Variants in SEMA6B observed in about 807,000 individuals in gnomAD.
SEMA6B encodes semaphorin 6B.
Under a neutral mutation model 78.6 loss-of-function variants are expected in SEMA6B, and 47 were observed. That is an observed-to-expected ratio of 0.60 (90% confidence interval 0.47 to 0.76). The LOEUF is 0.76. Ranked by LOEUF, SEMA6B falls within the 30% of genes least tolerant of loss-of-function variation. The probability of loss-of-function intolerance (pLI) is 0.00; values close to 1 mark genes in which losing one functional copy is unlikely to be tolerated. For missense variants in SEMA6B, 1,213 were observed against 1,269.9 expected (o/e 0.96, Z 0.68); for synonymous variants, 632 against 592.2 (o/e 1.07, Z -0.98).
chr19:4,557,197 T>A lies in SEMA6B; in HGVS notation c.272A>T (p.Glu91Val). The change falls in exon 4 of 17, where the codon GAG (glutamate) becomes GTG (valine). Residue 91 changes from glutamate to valine, a missense_variant. By Grantham distance (121) the Glu-to-Val change is moderately radical. Transcript: ENST00000586582. ...DRDNLYRVELEPPTSTELRYQ... is the reference protein window; with the variant it reads ...DRDNLYRVELVPPTSTELRYQ... ...CCGCAGCTCCGTGGACGTGGGGGGCTCCAGCTCTACGCGGTAGAGGTTGTC... is the reference window on the plus strand; with the variant it reads ...CCGCAGCTCCGTGGACGTGGGGGGCACCAGCTCTACGCGGTAGAGGTTGTC... The A allele has an allele frequency of 6.2e-7, 1 of 1,604,284 alleles. No individual in the cohort carries two copies. The highest frequency in any genetic ancestry group is 8.5e-7 in the Non-Finnish European group (1 of 1,174,838).
In SEMA6B at chr19:4,558,538, CCACAAGACGGCGGGCGAGAG is replaced by C; in HGVS notation, c.-32-69_-32-50del. 1.7e-6 allele frequency: 2 copies of C among 1,194,208 alleles called. No individual in the cohort carries two copies. Among genetic ancestry groups the C allele is most frequent in the Non-Finnish European group, 2.1e-6 (2 of 953,030 alleles). 74.0% of individuals were successfully genotyped at this position (1,194,208 alleles called of 1,614,324 possible). The stretch of plus-strand genomic sequence containing the variant: ...GAGCGGCCTGCAGTCCCGCTCGTGG[CCACAAGACGGCGGGCGAGAG>C]CAGCAGACGCTCCTTCAAATCCCAG... On this transcript the variant is annotated intron_variant, in intron 1 of 16. Transcript: ENST00000586582. This position sits in a 1 kb window ranked among gnomAD's most constrained non-coding sequence, Gnocchi z 5.1.
chr19:4,558,388 G>A lies in SEMA6B; in HGVS notation c.70C>T (p.His24Tyr). 1 of 1,280,638 alleles carries A rather than the reference G, an allele frequency of 7.8e-7. No homozygotes were observed. 79.3% of individuals were successfully genotyped at this position (1,280,638 alleles called of 1,614,324 possible). The stretch of plus-strand genomic sequence containing the variant: ...GGCGGCTCCTCAGGAAAGAGGCCGT[G>A]GGCGCCCCCCAGTAGCAGCAGCAGA... Reference protein sequence around the residue: ...LLLLLLLGGAHGLFPEEPPPL... With the variant: ...LLLLLLLGGAYGLFPEEPPPL... The change falls in exon 2 of 17, where the codon CAC becomes TAC. Residue 24 changes from histidine to tyrosine, a missense_variant. By Grantham distance (83) the His-to-Tyr change is moderately conservative. Coordinates refer to ENST00000586582, the MANE Select transcript of SEMA6B (RefSeq NM_032108.4). This position sits in a 1 kb window ranked among gnomAD's most constrained non-coding sequence, Gnocchi z 5.1.
In SEMA6B at chr19:4,544,371, G is replaced by T. The variant is rs763638386; in HGVS notation, c.1897C>A (p.Arg633Ser). ...GCCAGGATGGCCTCCTTGTCCTTGCGCCGGGCCAGCTCCCGCCGCTCACGG... is the reference window on the plus strand; with the variant it reads ...GCCAGGATGGCCTCCTTGTCCTTGCTCCGGGCCAGCTCCCGCCGCTCACGG... Reference protein sequence around the residue: ...GLRERRELARRKDKEAILAHG... With the variant: ...GLRERRELARSKDKEAILAHG... Residue 633 changes from arginine (R) to serine (S), a missense_variant, in exon 17 of 17, where the codon CGC (arginine) becomes AGC (serine). Physicochemically the swap from Arg to Ser is moderately radical, Grantham distance 110. Coordinates refer to ENST00000586582, the MANE Select transcript of SEMA6B (RefSeq NM_032108.4). The surrounding 1 kb of genome is among the most constrained non-coding windows in gnomAD (Gnocchi z 5.1). 5 of 1,582,654 alleles carry T rather than the reference G, an allele frequency of 3.2e-6. No individual in the cohort carries two copies. Among genetic ancestry groups the T allele is most frequent in the Admixed American group, 1.7e-5 (1 of 57,266 alleles).
Position 4,555,432 on chromosome 19 carries a change from T to A in SEMA6B, c.562+42A>T. The A allele has an allele frequency of 6.5e-7, 1 of 1,541,108 alleles. No individual in the cohort carries two copies. The highest frequency in any genetic ancestry group is 8.8e-7 in the Non-Finnish European group (1 of 1,131,240). On this transcript the variant is annotated intron_variant, in intron 7 of 16. Coordinates refer to ENST00000586582, the MANE Select transcript of SEMA6B (RefSeq NM_032108.4). This position sits in a 1 kb window ranked among gnomAD's most constrained non-coding sequence, Gnocchi z 6.1. Reference sequence around the variant, plus strand: ...GGAGTAGAAAATGCCAGGTCTTGCCTGTGGCTGGGGCTGATCAGATGGAGG... The same window carrying A: ...GGAGTAGAAAATGCCAGGTCTTGCCAGTGGCTGGGGCTGATCAGATGGAGG...
Position 4,544,497 on chromosome 19 carries a change from C to G in SEMA6B, c.1771G>C (p.Ala591Pro). The G allele has an allele frequency of 1.9e-6, 3 of 1,576,048 alleles. No individual in the cohort carries two copies. Among genetic ancestry groups the G allele is most frequent in the Non-Finnish European group, 2.6e-6 (3 of 1,161,622 alleles). Residue 591 changes from alanine (A) to proline (P), a missense_variant, in exon 17 of 17, where the codon GCG becomes CCG. Transcript: ENST00000586582. This position sits in a 1 kb window ranked among gnomAD's most constrained non-coding sequence, Gnocchi z 5.1. ...AGCAGGTTCACCGACACCAGCCCCG[C>G]GCGGTCCTCGGAGAGGCTGGCCCGC... ...LLRASLSEDR[A>P]GLVSVNLLVT...
rs1977363553 is a variant in SEMA6B at position 4,552,630 on chromosome 19, ACAC to A, written c.778_780del (p.Val260del). On this transcript the variant is annotated inframe_deletion, in exon 10 of 17. Coordinates refer to ENST00000586582, the MANE Select transcript of SEMA6B (RefSeq NM_032108.4). This position sits in a 1 kb window ranked among gnomAD's most constrained non-coding sequence, Gnocchi z 7.4. ...TTCTTGCACACTCGGGCCACGCGGG[ACAC>A]CACCACCTGGGCGTGACAGTGGACG... is the stretch of plus-strand genomic sequence containing the variant. The A allele has an allele frequency of 3.1e-6, 5 of 1,605,494 alleles. No individual in the cohort carries two copies. The highest frequency in any genetic ancestry group is 4.3e-6 in the Non-Finnish European group (5 of 1,174,852).
intron 3 of SEMA6B, among the ~76,000 whole-genome samples, chr19:4,557,504 A>G (rs1198589771): frequency 6.6e-6 from 1 of 152,048 alleles, no homozygotes; most frequent in Non-Finnish European, 1.5e-5. Flanking sequence ...GGCGCCCACC[A>G]GGCTCTCTCC....
chr19:4,544,086 G>T lies in SEMA6B; in HGVS notation c.2182C>A (p.His728Asn). ...TCCCAGGCGCGGGGGCCCAGGGCGTGGGGGTGCGGGTGCGGAGTGGGCAGG... is the reference window on the plus strand; with the variant it reads ...TCCCAGGCGCGGGGGCCCAGGGCGTTGGGGTGCGGGTGCGGAGTGGGCAGG... Reference protein sequence around the residue: ...KRLPTPHPHPHALGPRAWDHG... With the variant: ...KRLPTPHPHPNALGPRAWDHG... The change falls in exon 17 of 17, where the codon CAC (histidine) becomes AAC (asparagine). Residue 728 changes from histidine (H) to asparagine (N), a missense_variant. Transcript: ENST00000586582. The surrounding 1 kb of genome is among the most constrained non-coding windows in gnomAD (Gnocchi z 5.1). 1 of 1,253,538 alleles carries T rather than the reference G, an allele frequency of 8.0e-7. No individual in the cohort carries two copies. Among genetic ancestry groups the T allele is most frequent in the South Asian group, 2.9e-5 (1 of 35,026 alleles). 77.7% of individuals were successfully genotyped at this position (1,253,538 alleles called of 1,614,324 possible).
intron 12 of SEMA6B, 112 bp from the exon 13 acceptor site, chr19:4,548,557 G>T: frequency 1.0e-6 from 1 of 968,542 alleles, no homozygotes; most frequent in Admixed American, 2.2e-5. Flanking sequence ...ACCAACACAT[G>T]TGACAGCAAT....
chr19:4,547,886 G>C (rs4807600), intron 14 of SEMA6B, 141 bp downstream of exon 14: 591,503 of 1,058,816 alleles, frequency 0.56, 168,313 homozygotes, highest in East Asian at 0.86. Context: ...GGTCCTGCCC[G>C]CGGGCCTTTG....
Position 4,558,298 on chromosome 19 carries a change from C to T in SEMA6B, c.121+39G>A, listed in dbSNP as rs1977526826. The T allele has an allele frequency of 1.5e-6, 2 of 1,313,798 alleles. No homozygotes were observed. The highest frequency in any genetic ancestry group is 1.5e-5 in the African/African-American group (1 of 66,050). 81.4% of individuals were successfully genotyped at this position (1,313,798 alleles called of 1,614,324 possible). A position where few individuals can be genotyped will look rare whatever the true frequency, so the allele number is the denominator to read the frequency against. ...CCAACTGGGAACCCAGATACTCCCA[C>T]GGGACTCCACCCCCGCCCAAAGACA... On this transcript the variant is annotated intron_variant, in intron 2 of 16. Transcript: ENST00000586582. This position sits in a 1 kb window ranked among gnomAD's most constrained non-coding sequence, Gnocchi z 5.1.
chr19:4,557,398 A>G (rs1977502724), intron 3 of SEMA6B, among the ~76,000 whole-genome samples, 175 bp from the exon 4 acceptor site: 1 of 151,996 alleles, frequency 6.6e-6, no homozygotes, highest in African/African-American at 2.4e-5. Context: ...AGGCCTTCAT[A>G]TCCTGCACTC....
At chr19:4,556,404 T>C (rs1308128720) in intron 5 of SEMA6B, among the ~76,000 whole-genome samples, 2 of 151,600 alleles carry the variant, frequency 1.3e-5, no homozygotes, top group East Asian at 3.9e-4. Context: ...GGGTGGGGCA[T>C]GGTCGTGACC....
At position 4,543,290 on chromosome 19, in the gene SEMA6B, T is replaced by C. The variant is rs1488408052; in HGVS notation, c.*311A>G. ...CCGAGAACGGAGTTGTGCAATTGGTTAGAAAACCGCAAAAGAAACCAAAAC... is the reference window on the plus strand; with the variant it reads ...CCGAGAACGGAGTTGTGCAATTGGTCAGAAAACCGCAAAAGAAACCAAAAC... On this transcript the variant is annotated 3_prime_UTR_variant, in exon 17 of 17. Coordinates refer to ENST00000586582, the MANE Select transcript of SEMA6B (RefSeq NM_032108.4). 3 of 478,850 alleles carry C rather than the reference T, an allele frequency of 6.3e-6. No individual in the cohort carries two copies. The highest frequency in any genetic ancestry group is 1.1e-5 in the Non-Finnish European group (3 of 271,682). 29.7% of individuals were successfully genotyped at this position (478,850 alleles called of 1,614,324 possible).
At chr19:4,556,899 G>A in intron 5 of SEMA6B, 52 bp downstream of exon 5, 2 of 1,527,848 alleles carry the variant, frequency 1.3e-6, no homozygotes, top group African/African-American at 1.4e-5. Context: ...CGGGGCATGG[G>A]TAATGCCAGG....
chr19:4,554,830 T>A, intron 8 of SEMA6B, 146 bp downstream of exon 8: 2 of 1,071,146 alleles, frequency 1.9e-6, no homozygotes, highest in Non-Finnish European at 2.7e-6. Context: ...AGCTTTCTAG[T>A]CTTCAAAAAG....
intron 9 of SEMA6B, among the ~76,000 whole-genome samples, chr19:4,553,703 G>A (rs1599780548): frequency 7.4e-6 from 1 of 135,390 alleles, no homozygotes; most frequent in African/African-American, 2.8e-5. Flanking sequence ...TGGATGGATG[G>A]ATGTGTGGAT....
At position 4,555,935 on chromosome 19, in the gene SEMA6B, G is replaced by T; in HGVS notation, c.471+53C>A. The T allele has an allele frequency of 7.0e-7, 1 of 1,422,272 alleles. No individual in the cohort carries two copies. Among genetic ancestry groups the T allele is most frequent in the South Asian group, 1.1e-5 (1 of 87,364 alleles). The allele number at this position is 1,422,272 out of a possible 1,614,324, so 88.1% of individuals were successfully genotyped here. A position where few individuals can be genotyped will look rare whatever the true frequency, so the allele number is the denominator to read the frequency against. ...AAAAGCCATGGCCAGCGGAGGTCGGGCGAGCAGAGGCCTGGAGGTTGGACC... is the reference window on the plus strand; with the variant it reads ...AAAAGCCATGGCCAGCGGAGGTCGGTCGAGCAGAGGCCTGGAGGTTGGACC... On this transcript the variant is annotated intron_variant, in intron 6 of 16. Transcript: ENST00000586582. The surrounding 1 kb of genome is among the most constrained non-coding windows in gnomAD (Gnocchi z 6.1).
intron 10 of SEMA6B, 88 bp from the exon 11 acceptor site, chr19:4,551,018 C>G: frequency 6.8e-7 from 1 of 1,472,868 alleles, no homozygotes; most frequent in Non-Finnish European, 9.4e-7. Flanking sequence ...TCTGCAGGAG[C>G]CAGTGAATCT....
Sources: gnomAD v4.1 joint callset for allele counts (sites outside exome capture counted in the v4.1 genomes callset) on GRCh38, gnomAD v4.1.1 for gene constraint, Gnocchi (gnomAD v3.1) non-coding constraint, MANE v1.5 for transcripts, NCBI Gene and HGNC (gene_info 2026-07-23, HGNC 2026-07-21) for gene names.